SAMM50: variants seen among roughly 807,000 people sequenced by gnomAD.
The protein encoded by SAMM50 is SAMM50 sorting and assembly machinery component.
A neutral mutation model predicts 66.9 loss-of-function variants in SAMM50; 47 were observed. The observed-to-expected ratio is 0.70, with a 90% confidence interval of 0.56 to 0.90. SAMM50 has a LOEUF of 0.90. Among genes scored for constraint, SAMM50 ranks in the 40% least tolerant of loss-of-function variants. SAMM50 has a pLI of 0.00. For synonymous variants in SAMM50, 191 were observed against 214.1 expected (o/e 0.89, Z 0.94); for missense variants, 535 against 595.3 (o/e 0.90, Z 1.05).
intron 7 of SAMM50, 126 bp downstream of exon 7, chr22:43,973,449 C>G (rs2235772): frequency 1.3e-5 from 8 of 627,414 alleles, no homozygotes; most frequent in Non-Finnish European, 2.4e-5. Flanking sequence ...CACCAGGTAC[C>G]TCCTGGCCAG....
chr22:43,990,806 G>A (rs1183103338), intron 14 of SAMM50, among the ~76,000 whole-genome samples: 2 of 152,134 alleles, frequency 1.3e-5, no homozygotes, highest in African/African-American at 4.8e-5. Flanking sequence ...TGACCACAGA[G>A]GACACGATCT....
chr22:43,968,887 C>A, intron 4 of SAMM50, 69 bp downstream of exon 4: 2 of 1,070,992 alleles, frequency 1.9e-6, no homozygotes, highest in Non-Finnish European at 2.9e-6. Context: ...TTTTTATGGC[C>A]AGATGCAGAT....
intron 3 of SAMM50, among the ~76,000 whole-genome samples, chr22:43,967,393 T>C (rs561329264): frequency 6.6e-6 from 1 of 152,360 alleles, no homozygotes; most frequent in African/African-American, 2.4e-5. Flanking sequence ...ACTTCTCTAA[T>C]GGTGTTCAGC....
At chr22:43,995,174 C>T (rs2050346395) in intron 14 of SAMM50, among the ~76,000 whole-genome samples, 3 of 152,174 alleles carry the variant, frequency 2.0e-5, no homozygotes, top group South Asian at 4.1e-4. Flanking sequence ...GAGAGGACTG[C>T]AGTGCCGGGG....
At chr22:43,955,778 C>T (rs2050116046) in intron 1 of SAMM50, among the ~76,000 whole-genome samples, 180 bp downstream of exon 1, 1 of 152,228 alleles carries the variant, frequency 6.6e-6, no homozygotes, top group Non-Finnish European at 1.5e-5. Flanking sequence ...TCTTGCAGAC[C>T]TTCGAGCAGG....
At chr22:43,965,208 TTTTTTCAA>T (rs903503079) in intron 3 of SAMM50, among the ~76,000 whole-genome samples, 2 of 150,706 alleles carry the variant, frequency 1.3e-5, no homozygotes, top group African/African-American at 4.9e-5. Context: ...AAAAAGAATC[TTTTTTCAA>T]TTTTTTTTAG....
intron 1 of SAMM50, among the ~76,000 whole-genome samples, chr22:43,960,872 C>T (rs1401658201): frequency 4.6e-5 from 7 of 152,126 alleles, no homozygotes; most frequent in Non-Finnish European, 1.0e-4. Flanking sequence ...GATCTTGAAG[C>T]TTCATAGGGG....
chr22:43,984,591 G>T (rs2050282101), intron 12 of SAMM50, among the ~76,000 whole-genome samples: 1 of 151,696 alleles, frequency 6.6e-6, no homozygotes, highest in Non-Finnish European at 1.5e-5. Context: ...GATTACAGGT[G>T]TGAGCCACTG....
At position 43,963,408 on chromosome 22, in the gene SAMM50, G is replaced by A. The variant is rs1171675211; in HGVS notation, c.132+12G>A. ...TTGAAAACAAAGATGTGAGTTTTCT[G>A]TTGAAGGTCTTGATAGAATTGTTAG... On this transcript the variant is annotated intron_variant, in intron 2 of 14. Coordinates refer to ENST00000350028, the MANE Select transcript of SAMM50 (RefSeq NM_015380.5). The A allele has an allele frequency of 1.3e-6, 2 of 1,526,180 alleles. No homozygotes were observed. The highest frequency in any genetic ancestry group is 2.3e-5 in the South Asian group (2 of 88,528). 94.5% of individuals were successfully genotyped at this position (1,526,180 alleles called of 1,614,324 possible).
At position 43,989,179 on chromosome 22, in the gene SAMM50, C is replaced by A; in HGVS notation, c.1144C>A (p.Pro382Thr). Reference sequence around the variant, plus strand: ...CCTCTACACCCCATTACCTTTCCGGCCAGGCCAGGGTGGCTTTGGAGAACT... The same window carrying A: ...CCTCTACACCCCATTACCTTTCCGGACAGGCCAGGGTGGCTTTGGAGAACT... The part of the protein sequence containing the change: ...LHLYTPLPFR[P>T]GQGGFGELFR... The change falls in exon 13 of 15, where the codon CCA becomes ACA. Residue 382 changes from proline (P) to threonine (T), a missense_variant. Transcript: ENST00000350028. 1 of 1,614,178 alleles carries A rather than the reference C, an allele frequency of 6.2e-7. No homozygotes were observed. Among genetic ancestry groups the A allele is most frequent in the South Asian group, 1.1e-5 (1 of 91,086 alleles).
At chr22:43,968,248 G>GA (rs2050184486) in intron 3 of SAMM50, among the ~76,000 whole-genome samples, 1 of 98,174 alleles carries the variant, frequency 1.0e-5, no homozygotes, top group African/African-American at 4.0e-5. Flanking sequence ...AAAAAAAAAA[G>GA]AAAAAAGAAA....
chr22:43,985,665 C>T (rs736082), intron 12 of SAMM50, among the ~76,000 whole-genome samples: 98,107 of 151,836 alleles, frequency 0.65, 32,575 homozygotes, highest in East Asian at 0.83. Context: ...TCAACATTCA[C>T]GCGCAGGTTG....
chr22:43,955,487 C>T lies in SAMM50; in HGVS notation c.-91C>T. On this transcript the variant is annotated 5_prime_UTR_variant, in exon 1 of 15. Transcript: ENST00000350028. ...TTGTGGGAGTTGCCTTGACCTGCAG[C>T]TCCGCCACCGCGGACCCGCCTTCTG... The T allele has an allele frequency of 1.4e-6, 2 of 1,468,690 alleles. No individual in the cohort carries two copies. Among genetic ancestry groups the T allele is most frequent in the Non-Finnish European group, 1.9e-6 (2 of 1,074,884 alleles). The allele number at this position is 1,468,690 out of a possible 1,614,324, so 91.0% of individuals were successfully genotyped here.
In SAMM50 at chr22:43,967,408, G is replaced by A. The variant is rs963859168; in HGVS notation, c.235-1323G>A. ...ACTTCTCTAATGGTGTTCAGCGCTAGCCCAGTGCTAAGCGCCGAGCTGCAG... is the reference window on the plus strand; with the variant it reads ...ACTTCTCTAATGGTGTTCAGCGCTAACCCAGTGCTAAGCGCCGAGCTGCAG... On this transcript the variant is annotated intron_variant, in intron 3 of 14. Transcript: ENST00000350028. 5.9e-5 allele frequency among the ~76,000 whole-genome samples: 9 copies of A among 152,216 alleles called. No individual in the cohort carries two copies. In the East Asian group the frequency reaches 1.7e-3, roughly 29 times the overall value.
chr22:43,990,311 C>A lies in SAMM50; in HGVS notation c.1269C>A (p.Arg423=). The A allele has an allele frequency of 6.2e-7, 1 of 1,614,188 alleles. No individual in the cohort carries two copies. The highest frequency in any genetic ancestry group is 1.6e-4 in the Middle Eastern group (1 of 6,062). Residue 423 remains arginine (R), a synonymous_variant, in exon 14 of 15, where the codon CGC becomes CGA. Coordinates refer to ENST00000350028, the MANE Select transcript of SAMM50 (RefSeq NM_015380.5). ...AHIRKLAECI[R]WSYGAGIVLR... ...TTCGTAAGCTGGCTGAGTGCATCCG[C>A]TGGTCGTACGGGGCCGGGATTGTCC...
At chr22:43,996,304 C>T (rs775835878) in intron 14 of SAMM50, 34 bp from the exon 15 acceptor site, 49 of 1,612,414 alleles carry the variant, frequency 3.0e-5, no homozygotes, top group Non-Finnish European at 4.0e-5. Context: ...GCTGGCGGAG[C>T]GGCCGCCGCA....
At chr22:43,957,946 G>A (rs568903740) in intron 1 of SAMM50, among the ~76,000 whole-genome samples, 7 of 152,012 alleles carry the variant, frequency 4.6e-5, no homozygotes, top group South Asian at 2.1e-4. Context: ...TAGTAGAGAC[G>A]GGGTTTCACT....
intron 4 of SAMM50, among the ~76,000 whole-genome samples, chr22:43,970,409 TG>T (rs1365892020): frequency 1.3e-5 from 2 of 152,178 alleles, no homozygotes; most frequent in African/African-American, 4.8e-5. Flanking sequence ...TGAGTCCCTC[TG>T]ATGGCTGAGC....
At position 43,955,769 on chromosome 22, in the gene SAMM50, C is replaced by T. The variant is rs1007729914; in HGVS notation, c.21+171C>T. On this transcript the variant is annotated intron_variant, in intron 1 of 14. Transcript: ENST00000350028. The stretch of plus-strand genomic sequence containing the variant: ...AAGAGGTCGCCTCGGGCCAGCGAGT[C>T]TTGCAGACCTTCGAGCAGGAACCTG... 3.3e-5 allele frequency among the ~76,000 whole-genome samples: 5 copies of T among 152,320 alleles called. No individual in the cohort carries two copies. In the East Asian group the frequency reaches 9.6e-4, roughly 29 times the overall value.
Sources: allele counts gnomAD v4.1 joint callset (sites outside exome capture counted in the v4.1 genomes callset), GRCh38; gene constraint gnomAD v4.1.1; transcripts MANE v1.5; gene names NCBI Gene and HGNC (gene_info 2026-07-23, HGNC 2026-07-21).